SPEG: variants seen among roughly 807,000 people sequenced by gnomAD.
The protein encoded by SPEG is striated muscle enriched protein kinase.
SPEG carries 114 observed loss-of-function variants against 300.4 expected under a neutral mutation model. That is an observed-to-expected ratio of 0.38 (90% CI 0.33 to 0.44). SPEG has a LOEUF of 0.44. Ranked by LOEUF, SPEG falls within the 20% of genes least tolerant of loss-of-function variation. SPEG has a pLI of 1.00. For synonymous variants in SPEG, 1,964 were observed against 2,018.9 expected, an observed-to-expected ratio of 0.97 and a Z score of 0.73; for missense variants, 4,201 against 4,586.2, an observed-to-expected ratio of 0.92 and a Z score of 2.43.
intron 12 of SPEG, 42 bp downstream of exon 12, chr2:219,469,090 G>A (rs771443771): frequency 5.0e-6 from 8 of 1,608,060 alleles, no homozygotes; most frequent in Middle Eastern, 1.7e-4. Flanking sequence ...TGCCTGTGAG[G>A]GGCCAGCCCA....
chr2:219,469,731 G>T (rs1029456416), intron 13 of SPEG, among the ~76,000 whole-genome samples: 4 of 152,276 alleles, frequency 2.6e-5, no homozygotes, highest in Admixed American at 2.0e-4. Context: ...ATGCATATAA[G>T]CCCCAGAGCA....
At position 219,481,786 on chromosome 2, in the gene SPEG, A is replaced by T; in HGVS notation, c.5565+106A>T. 1 of 974,776 alleles carries T rather than the reference A, an allele frequency of 1.0e-6. No homozygotes were observed. The highest frequency in any genetic ancestry group is 1.6e-6 in the Non-Finnish European group (1 of 607,328). 60.4% of individuals were successfully genotyped at this position (974,776 alleles called of 1,614,324 possible). ...ACTGTGTGCAGTAACCACGTTAGGC[A>T]TTGTATGTACATATGACGTATTAGC... On this transcript the variant is annotated intron_variant, in intron 28 of 40. Coordinates refer to ENST00000312358, the MANE Select transcript of SPEG (RefSeq NM_005876.5). This position sits in a 1 kb window ranked among gnomAD's most constrained non-coding sequence, Gnocchi z 5.4.
chr2:219,479,299 C>A lies in SPEG; in HGVS notation c.5085+98C>A. On this transcript the variant is annotated intron_variant, in intron 23 of 40. Transcript: ENST00000312358. This position sits in a 1 kb window ranked among gnomAD's most constrained non-coding sequence, Gnocchi z 5.5. ...TGGGTCCTGAGTGTGCCATCTGTGCCCACAGGAAGCCAGGGGTGGAGGTGG... is the reference window on the plus strand; with the variant it reads ...TGGGTCCTGAGTGTGCCATCTGTGCACACAGGAAGCCAGGGGTGGAGGTGG... 9.8e-7 allele frequency: 1 copy of A among 1,020,552 alleles called. No individual in the cohort carries two copies. 63.2% of individuals were successfully genotyped at this position (1,020,552 alleles called of 1,614,324 possible).
At position 219,483,127 on chromosome 2, in the gene SPEG, G is replaced by C. The variant is rs1253304900; in HGVS notation, c.5664G>C (p.Leu1888=). ...QRSQISYKCH[L]VLRPIPELLR... ...CCCAGATCAGCTACAAATGCCACCT[G>C]GTGCTGCGCCCCATCCCCGAGCTGC... Residue 1888 remains leucine, a synonymous_variant, in exon 30 of 41, where the codon CTG becomes CTC. Transcript: ENST00000312358. The C allele has an allele frequency of 1.9e-6, 3 of 1,608,352 alleles. No individual in the cohort carries two copies. Among genetic ancestry groups the C allele is most frequent in the Non-Finnish European group, 8.5e-7 (1 of 1,179,420 alleles).
Position 219,439,445 on chromosome 2 carries a change from C to T in SPEG, c.388+4080C>T, listed in dbSNP as rs1954802134. ...GTATGTCAGAAATACAGAGCAGGGTCGTAAATGAGAGAAGGGAGAAACTGA... is the reference window on the plus strand; with the variant it reads ...GTATGTCAGAAATACAGAGCAGGGTTGTAAATGAGAGAAGGGAGAAACTGA... On this transcript the variant is annotated intron_variant, in intron 1 of 40. Transcript: ENST00000312358. The surrounding 1 kb of genome is among the most constrained non-coding windows in gnomAD (Gnocchi z 4.5). Among the ~76,000 whole-genome samples the T allele has an allele frequency of 2.0e-5, 3 of 151,848 alleles. No homozygotes were observed. Among genetic ancestry groups the T allele is most frequent in the South Asian group, 4.2e-4 (2 of 4,806 alleles).
At position 219,451,032 on chromosome 2, in the gene SPEG, G is replaced by C; in HGVS notation, c.2114-104G>C. 3.3e-6 allele frequency: 4 copies of C among 1,219,238 alleles called. No individual in the cohort carries two copies. The highest frequency in any genetic ancestry group is 4.5e-6 in the Non-Finnish European group (4 of 898,348). The allele number at this position is 1,219,238 out of a possible 1,614,324, so 75.5% of individuals were successfully genotyped here. Reference sequence around the variant, plus strand: ...GTCCCTGCTTTCTAGAAGCCCCTCTGTCTGGGTTTGGCTTTCTAGGATGCA... The same window carrying C: ...GTCCCTGCTTTCTAGAAGCCCCTCTCTCTGGGTTTGGCTTTCTAGGATGCA... On this transcript the variant is annotated intron_variant, in intron 4 of 40. Transcript: ENST00000312358. This position sits in a 1 kb window ranked among gnomAD's most constrained non-coding sequence, Gnocchi z 6.4.
intron 6 of SPEG, among the ~76,000 whole-genome samples, chr2:219,452,551 GA>G (rs1384218081): frequency 3.3e-5 from 5 of 152,076 alleles, no homozygotes; most frequent in African/African-American, 1.2e-4. Context: ...ATTACAGAAG[GA>G]AAACACACTC....
intron 6 of SPEG, chr2:219,461,587 G>A: frequency 8.7e-7 from 1 of 1,152,510 alleles, no homozygotes; most frequent in Non-Finnish European, 1.1e-6. Flanking sequence ...CTCCCACCAG[G>A]CCCAGGAGTG....
Position 219,448,143 on chromosome 2 carries a change from G to A in SPEG, c.985G>A (p.Ala329Thr), listed in dbSNP as rs778695872. 3.7e-6 allele frequency: 6 copies of A among 1,607,512 alleles called. No individual in the cohort carries two copies. The African/African-American group carries it at 6.7e-5, about 18-fold the overall frequency. ...RSPPGPPAQP[A>T]ATPTSPHRRT... ...CCCGCCGGGACCCCCGGCCCAGCCC[G>A]CGGCCACCCCCACGTCGCCCCACCG... The change falls in exon 4 of 41, where the codon GCG becomes ACG. Residue 329 changes from alanine to threonine, a missense_variant. Physicochemically the swap from Ala to Thr is moderately conservative, Grantham distance 58. Coordinates refer to ENST00000312358, the MANE Select transcript of SPEG (RefSeq NM_005876.5).
In SPEG at chr2:219,473,454, G is replaced by C; in HGVS notation, c.4148-50G>C. Reference sequence around the variant, plus strand: ...GGGTGTTAGAGGAGTGGTGGGTGCTGAGGACCTGATGTCAAGCCCAGCACA... The same window carrying C: ...GGGTGTTAGAGGAGTGGTGGGTGCTCAGGACCTGATGTCAAGCCCAGCACA... On this transcript the variant is annotated intron_variant, in intron 16 of 40. Transcript: ENST00000312358. The surrounding 1 kb of genome is among the most constrained non-coding windows in gnomAD (Gnocchi z 4.6). 1 of 1,583,808 alleles carries C rather than the reference G, an allele frequency of 6.3e-7. No individual in the cohort carries two copies. The highest frequency in any genetic ancestry group is 8.7e-7 in the Non-Finnish European group (1 of 1,155,446).
rs889284243 is a variant in SPEG, at chr2:219,459,609, C to T, written c.2441-2273C>T. Among the ~76,000 whole-genome samples, 1 of 152,140 alleles carries T rather than the reference C, an allele frequency of 6.6e-6. No homozygotes were observed. Among genetic ancestry groups the T allele is most frequent in the Admixed American group, 6.5e-5 (1 of 15,290 alleles). On this transcript the variant is annotated intron_variant, in intron 6 of 40. Coordinates refer to ENST00000312358, the MANE Select transcript of SPEG (RefSeq NM_005876.5). The surrounding 1 kb of genome is among the most constrained non-coding windows in gnomAD (Gnocchi z 4.9). The stretch of plus-strand genomic sequence containing the variant: ...AGGGGTCTCTGAGGCTCCCTGCAAA[C>T]CTTGACCATCTGGCCTTCAGCTCTG...
In SPEG at chr2:219,458,097, A is replaced by T. The variant is rs1444373934; in HGVS notation, c.2441-3785A>T. On this transcript the variant is annotated intron_variant, in intron 6 of 40. Coordinates refer to ENST00000312358, the MANE Select transcript of SPEG (RefSeq NM_005876.5). This position sits in a 1 kb window ranked among gnomAD's most constrained non-coding sequence, Gnocchi z 4.2. ...CTGAGGACATGACCATGTCTTTGCC[A>T]CTCCTTAGCACTGGCAGCTGTGCCT... is the stretch of plus-strand genomic sequence containing the variant. 6.6e-6 allele frequency among the ~76,000 whole-genome samples: 1 copy of T among 151,844 alleles called. No individual in the cohort carries two copies. Among genetic ancestry groups the T allele is most frequent in the Non-Finnish European group, 1.5e-5 (1 of 67,954 alleles).
rs772537147 is a variant in SPEG, at chr2:219,444,700, C to T, written c.436C>T (p.Arg146Cys). The change falls in exon 2 of 41, where the codon CGC becomes TGC. Residue 146 changes from arginine (R) to cysteine (C), a missense_variant. Physicochemically the swap from Arg to Cys is radical, Grantham distance 180. Coordinates refer to ENST00000312358, the MANE Select transcript of SPEG (RefSeq NM_005876.5). This position sits in a 1 kb window ranked among gnomAD's most constrained non-coding sequence, Gnocchi z 7.8. ...CATCAGCGATGTGCAGGGAACCCAGCGCCTGGAGCTTCGGGATGACGGGGC... is the reference window on the plus strand; with the variant it reads ...CATCAGCGATGTGCAGGGAACCCAGTGCCTGGAGCTTCGGGATGACGGGGC... ...DDISDVQGTQ[R>C]LELRDDGAFS... The T allele has an allele frequency of 2.3e-5, 37 of 1,613,898 alleles. No individual in the cohort carries two copies. The highest frequency in any genetic ancestry group is 1.8e-4 in the South Asian group (16 of 91,086).
chr2:219,454,375 T>C (rs927237990), intron 6 of SPEG, among the ~76,000 whole-genome samples: 2 of 152,168 alleles, frequency 1.3e-5, no homozygotes, highest in Non-Finnish European at 2.9e-5. Context: ...GATGTGTGGA[T>C]GGGGGCAGGT....
Position 219,481,799 on chromosome 2 carries a change from A to G in SPEG, c.5565+119A>G, listed in dbSNP as rs1031820335. 4 of 869,030 alleles carry G rather than the reference A, an allele frequency of 4.6e-6. No individual in the cohort carries two copies. The African/African-American group carries it at 6.6e-5, about 14-fold the overall frequency. 53.8% of individuals were successfully genotyped at this position (869,030 alleles called of 1,614,324 possible). ...ACCACGTTAGGCATTGTATGTACATATGACGTATTAGCCTCACAATAGCTT... is the reference window on the plus strand; with the variant it reads ...ACCACGTTAGGCATTGTATGTACATGTGACGTATTAGCCTCACAATAGCTT... On this transcript the variant is annotated intron_variant, in intron 28 of 40. Coordinates refer to ENST00000312358, the MANE Select transcript of SPEG (RefSeq NM_005876.5). The surrounding 1 kb of genome is among the most constrained non-coding windows in gnomAD (Gnocchi z 5.4).
At position 219,481,987 on chromosome 2, in the gene SPEG, G is replaced by T. The variant is rs926751308; in HGVS notation, c.5565+307G>T. 1.9e-5 allele frequency: 10 copies of T among 523,778 alleles called. No homozygotes were observed. The highest frequency in any genetic ancestry group is 1.5e-4 in the African/African-American group (8 of 52,410). The allele number at this position is 523,778 out of a possible 1,614,324, so 32.4% of individuals were successfully genotyped here. A position where few individuals can be genotyped will look rare whatever the true frequency, so the allele number is the denominator to read the frequency against. On this transcript the variant is annotated intron_variant, in intron 28 of 40. Transcript: ENST00000312358. The surrounding 1 kb of genome is among the most constrained non-coding windows in gnomAD (Gnocchi z 5.4). ...TCCCCCATGCTTGAGACCAGACCCTGGTCTTCCTGACTTCTGTCTGTCCAT... is the reference window on the plus strand; with the variant it reads ...TCCCCCATGCTTGAGACCAGACCCTTGTCTTCCTGACTTCTGTCTGTCCAT...
intron 1 of SPEG, chr2:219,441,969 G>T: frequency 1.2e-5 from 4 of 328,714 alleles, no homozygotes; most frequent in Non-Finnish European, 2.1e-5. Context: ...TCCCCAGCTC[G>T]CCCCCGGCCC....
At position 219,473,646 on chromosome 2, in the gene SPEG, T is replaced by A; in HGVS notation, c.4271+19T>A. The A allele has an allele frequency of 1.9e-6, 3 of 1,614,118 alleles. No individual in the cohort carries two copies. Among genetic ancestry groups the A allele is most frequent in the Non-Finnish European group, 2.5e-6 (3 of 1,180,000 alleles). On this transcript the variant is annotated intron_variant, in intron 17 of 40. Coordinates refer to ENST00000312358, the MANE Select transcript of SPEG (RefSeq NM_005876.5). This position sits in a 1 kb window ranked among gnomAD's most constrained non-coding sequence, Gnocchi z 4.6. ...GGAGGAGGTGGGCCCCTTTCCCACA[T>A]GTGGCAGCCCAGGTCTGGCCCAGCC...
chr2:219,443,014 G>C lies in SPEG; in HGVS notation c.389-1639G>C. On this transcript the variant is annotated intron_variant, in intron 1 of 40. Coordinates refer to ENST00000312358, the MANE Select transcript of SPEG (RefSeq NM_005876.5). This position sits in a 1 kb window ranked among gnomAD's most constrained non-coding sequence, Gnocchi z 4.6. ...CACACACACACTGGCCAGGGAATGA[G>C]TTTCTGCTTGATGTTGCAGGTCTGG... The C allele has an allele frequency of 9.7e-7, 1 of 1,029,484 alleles. No individual in the cohort carries two copies. Among genetic ancestry groups the C allele is most frequent in the Non-Finnish European group, 1.5e-6 (1 of 679,660 alleles). 63.8% of individuals were successfully genotyped at this position (1,029,484 alleles called of 1,614,324 possible). A position where few individuals can be genotyped will look rare whatever the true frequency, so the allele number is the denominator to read the frequency against.
Sources: allele counts gnomAD v4.1 joint callset (sites outside exome capture counted in the v4.1 genomes callset), GRCh38; gene constraint gnomAD v4.1.1; non-coding constraint Gnocchi (gnomAD v3.1); transcripts MANE v1.5; gene names NCBI Gene and HGNC (gene_info 2026-07-23, HGNC 2026-07-21).